The following FABP12 variants were observed in gnomAD, a reference collection of about 807,000 sequenced individuals.
The protein encoded by FABP12 is fatty acid binding protein 12.
A neutral mutation model predicts 13.7 loss-of-function variants in FABP12; 19 were observed. The observed-to-expected ratio is 1.39, with a 90% CI of 0.97 to 2.04. FABP12 has a LOEUF of 2.04. Ranked by LOEUF, FABP12 falls within the 30% of genes most tolerant of loss-of-function variation. The probability of loss-of-function intolerance (pLI) is 0.00; values close to 1 mark genes in which losing one functional copy is unlikely to be tolerated. For missense variants in FABP12, 182 were observed against 164.2 expected (o/e 1.11, Z -0.59); for synonymous variants, 61 against 57.0 (o/e 1.07, Z -0.32).
chr8:81,537,316 G>A (rs1809246692), upstream of FABP12, among the ~76,000 whole-genome samples: 1 of 152,140 alleles, frequency 6.6e-6, no homozygotes, highest in Non-Finnish European at 1.5e-5. Context: ...CCTGCTATCT[G>A]CTTCTTCCTG....
At chr8:81,527,288 T>C (rs1000662577) in intron 3 of FABP12, among the ~76,000 whole-genome samples, 167 bp from the exon 4 acceptor site, 3 of 152,228 alleles carry the variant, frequency 2.0e-5, no homozygotes, top group African/African-American at 4.8e-5. Context: ...AATTGTTGCC[T>C]AATTCTGCTG....
At chr8:81,577,130 T>C (rs995868617) in intron 1 of FABP12, among the ~76,000 whole-genome samples, 3 of 152,236 alleles carry the variant, frequency 2.0e-5, no homozygotes, top group African/African-American at 7.2e-5. Flanking sequence ...AATGTGCACA[T>C]GTCATTTTGC....
At chr8:81,533,642 C>A (rs1809145063) in intron 1 of FABP12, among the ~76,000 whole-genome samples, 160 bp downstream of exon 1, 1 of 152,210 alleles carries the variant, frequency 6.6e-6, no homozygotes, top group South Asian at 2.1e-4. Flanking sequence ...TGCCTCCACA[C>A]CCTGTGCTGA....
At chr8:81,585,796 T>G (rs1810230289) in intron 1 of FABP12, among the ~76,000 whole-genome samples, 1 of 152,192 alleles carries the variant, frequency 6.6e-6, no homozygotes. Context: ...TTAACTTCTT[T>G]GATTAAATTG....
At chr8:81,562,978 C>T in intron 1 of FABP12, among the ~76,000 whole-genome samples, 1 of 152,194 alleles carries the variant, frequency 6.6e-6, no homozygotes, top group East Asian at 1.9e-4. Flanking sequence ...GTGTGAGACC[C>T]AGTGCTTTGC....
intron 1 of FABP12, among the ~76,000 whole-genome samples, chr8:81,542,482 C>T (rs1306745019): frequency 6.6e-6 from 1 of 152,038 alleles, no homozygotes; most frequent in Non-Finnish European, 1.5e-5. Flanking sequence ...TGAGGCAACC[C>T]TACAAGGACC....
chr8:81,560,124 C>T (rs1809697189), intron 1 of FABP12, among the ~76,000 whole-genome samples: 1 of 152,180 alleles, frequency 6.6e-6, no homozygotes, highest in South Asian at 2.1e-4. Context: ...GCTATATTTA[C>T]ATATGGCTGC....
At chr8:81,528,260 G>A (rs1046046986) in intron 3 of FABP12, among the ~76,000 whole-genome samples, 3 of 151,974 alleles carry the variant, frequency 2.0e-5, no homozygotes, top group African/African-American at 7.3e-5. Flanking sequence ...TGTGTTTTTT[G>A]TAGAGGCGGG....
chr8:81,525,196 C>G lies in FABP12; in HGVS notation c.349-76G>C, dbSNP rs938886428. On this transcript the variant is annotated intron_variant, in intron 4 of 4. Coordinates refer to ENST00000360464, the Ensembl canonical transcript of FABP12. ...CATTTAGAAAAGTGCAAACTAAGTA[C>G]TATCCACACATACATTCCTTAAAAA... The G allele has an allele frequency of 3.2e-6, 3 of 929,464 alleles. No homozygotes were observed. The African/African-American group carries it at 5.0e-5, about 15-fold the overall frequency. 57.6% of individuals were successfully genotyped at this position (929,464 alleles called of 1,614,324 possible). A position where few individuals can be genotyped will look rare whatever the true frequency, so the allele number is the denominator to read the frequency against.
intron 1 of FABP12, among the ~76,000 whole-genome samples, chr8:81,573,573 C>T (rs545028065): frequency 9.9e-5 from 15 of 152,240 alleles, no homozygotes; most frequent in African/African-American, 3.4e-4. Context: ...TGATTCTACC[C>T]ATCCATGAGC....
In FABP12 at chr8:81,528,616, T is replaced by G. The variant is rs561592627; in HGVS notation, c.246+822A>C. ...ATAAATATTTATTGAACAACTGTCA[T>G]GACCAAGCACGGGGTTCTGTGAAAC... On this transcript the variant is annotated intron_variant, in intron 3 of 4. Coordinates refer to ENST00000360464, the Ensembl canonical transcript of FABP12. Among the ~76,000 whole-genome samples, 284 of 152,324 alleles carry G rather than the reference T, an allele frequency of 1.9e-3. 1 individual carries two copies. Among genetic ancestry groups the G allele is most frequent in the Non-Finnish European group, 3.3e-3 (226 of 68,030 alleles).
chr8:81,525,167 T>C (rs986146785), intron 4 of FABP12, 47 bp from the exon 5 acceptor site: 15 of 1,280,464 alleles, frequency 1.2e-5, no homozygotes, highest in Non-Finnish European at 1.4e-5. Context: ...GTTAGTGAAA[T>C]TAACATTTAG....
intron 1 of FABP12, among the ~76,000 whole-genome samples, chr8:81,567,849 C>A (rs1809856480): frequency 6.6e-6 from 1 of 151,816 alleles, no homozygotes; most frequent in African/African-American, 2.4e-5. Flanking sequence ...CGGCCGGGCG[C>A]GGTGGCTCAC....
chr8:81,577,507 C>G (rs1167487308), intron 1 of FABP12, among the ~76,000 whole-genome samples: 1 of 151,994 alleles, frequency 6.6e-6, no homozygotes. Flanking sequence ...GTCTGTAATC[C>G]CAGCACTTTG....
chr8:81,572,776 T>G (rs1051717869), intron 1 of FABP12, among the ~76,000 whole-genome samples: 5 of 152,348 alleles, frequency 3.3e-5, no homozygotes, highest in Non-Finnish European at 7.3e-5. Flanking sequence ...ATTCATGTCC[T>G]TAGTCCACTT....
chr8:81,577,782 A>T (rs1398362897), intron 1 of FABP12, among the ~76,000 whole-genome samples: 3 of 152,162 alleles, frequency 2.0e-5, no homozygotes, highest in Non-Finnish European at 4.4e-5. Context: ...AAATAAATAA[A>T]TGAGGTCTTT....
At chr8:81,556,261 G>C (rs1809613815) in intron 1 of FABP12, among the ~76,000 whole-genome samples, 1 of 152,142 alleles carries the variant, frequency 6.6e-6, no homozygotes, top group Non-Finnish European at 1.5e-5. Flanking sequence ...GATTTGGTGA[G>C]GATACAGAAG....
At chr8:81,526,390 G>A (rs1808899746) in intron 4 of FABP12, 1 of 152,140 alleles carries the variant, frequency 6.6e-6, no homozygotes, top group South Asian at 2.1e-4. Flanking sequence ...AAAATATAGA[G>A]TGTTCAATGA....
chr8:81,545,706 C>T (rs532912514), intron 1 of FABP12, among the ~76,000 whole-genome samples: 33 of 152,212 alleles, frequency 2.2e-4, no homozygotes, highest in African/African-American at 5.5e-4. Context: ...CTAATTACTT[C>T]GAAAACTGGT....
Sources: allele counts gnomAD v4.1 joint callset (sites outside exome capture counted in the v4.1 genomes callset), GRCh38; gene constraint gnomAD v4.1.1; transcripts MANE v1.5; gene names NCBI Gene and HGNC (gene_info 2026-07-23, HGNC 2026-07-21).